The following CCNL1 variants were observed in gnomAD, a reference collection of about 807,000 sequenced individuals.
CCNL1 encodes cyclin-L1.
Under a neutral mutation model 60.6 loss-of-function variants are expected in CCNL1, and 13 were observed. That is an observed-to-expected ratio of 0.21 (90% CI 0.14 to 0.34). The LOEUF (loss-of-function observed/expected upper bound fraction) is 0.34, where lower values mean the gene tolerates loss of function less well. Ranked by LOEUF, CCNL1 falls within the 10% of genes least tolerant of loss-of-function variation. CCNL1 has a pLI of 1.00. For missense variants in CCNL1, 481 were observed against 664.3 expected (o/e 0.72, Z 3.03); for synonymous variants, 270 against 244.3 (o/e 1.10, Z -0.98).
chr3:157,150,790 G>A, intron 5 of CCNL1: 2 of 990,878 alleles, frequency 2.0e-6, no homozygotes, highest in East Asian at 2.2e-4. Flanking sequence ...TAAAAGCAGT[G>A]TCAACCAAGT....
intron 2 of CCNL1, 146 bp from the exon 3 acceptor site, chr3:157,159,121 C>T (rs899856216): frequency 1.6e-6 from 1 of 640,164 alleles, no homozygotes; most frequent in Non-Finnish European, 2.7e-6. Context: ...TAGTACTATA[C>T]TTTTTGTTGT....
intron 3 of CCNL1, among the ~76,000 whole-genome samples, chr3:157,156,617 G>C (rs192401109): frequency 1.3e-5 from 2 of 152,230 alleles, no homozygotes; most frequent in East Asian, 3.9e-4. Context: ...TTTTTAAAAA[G>C]CTCCTCTGCT....
intron 7 of CCNL1, 35 bp from the exon 8 acceptor site, chr3:157,150,012 T>C (rs1280323562): frequency 3.1e-6 from 5 of 1,611,198 alleles, no homozygotes; most frequent in Admixed American, 1.7e-5. Context: ...ATTTCTTCCT[T>C]AGAGTAGCTT....
intron 1 of CCNL1, 114 bp from the exon 2 acceptor site, chr3:157,159,593 T>C (rs537771906): frequency 1.0e-5 from 11 of 1,095,176 alleles, no homozygotes; most frequent in Non-Finnish European, 1.3e-5. Context: ...CCGCCGCCGC[T>C]GCGAACAGCC....
intron 5 of CCNL1, chr3:157,150,598 A>G (rs1432127980): frequency 2.4e-6 from 3 of 1,244,658 alleles, no homozygotes; most frequent in Non-Finnish European, 3.0e-6. Flanking sequence ...ATATGAGCGA[A>G]GCCCTTTTAA....
intron 3 of CCNL1, among the ~76,000 whole-genome samples, chr3:157,156,780 T>C (rs1180908328): frequency 6.6e-6 from 1 of 152,212 alleles, no homozygotes; most frequent in Non-Finnish European, 1.5e-5. Flanking sequence ...AGTGATATGC[T>C]TTACCTAACC....
intron 3 of CCNL1, 69 bp from the exon 4 acceptor site, chr3:157,153,225 AT>A: frequency 6.6e-7 from 1 of 1,524,118 alleles, no homozygotes; most frequent in South Asian, 1.2e-5. Context: ...TGGCATCTCC[AT>A]TTTCCCTTCC....
At chr3:157,149,797 C>CA (rs1297259764) in intron 8 of CCNL1, 39 bp downstream of exon 8, 1 of 1,592,126 alleles carries the variant, frequency 6.3e-7, no homozygotes, top group African/African-American at 1.4e-5. Flanking sequence ...GACACACTTT[C>CA]AGTGCCCCCA....
At chr3:157,159,591 G>A in intron 1 of CCNL1, 112 bp from the exon 2 acceptor site, 2 of 1,089,968 alleles carry the variant, frequency 1.8e-6, no homozygotes, top group Non-Finnish European at 2.7e-6. Flanking sequence ...CGCCGCCGCC[G>A]CTGCGAACAG....
intron 5 of CCNL1, chr3:157,150,965 C>G: frequency 6.1e-6 from 6 of 984,834 alleles, no homozygotes; most frequent in Non-Finnish European, 7.2e-6. Flanking sequence ...TTTTTTGTGA[C>G]TAGGTAAAAG....
At chr3:157,148,709 T>G (rs1737931490) in intron 10 of CCNL1, 120 bp from the exon 11 acceptor site, 3 of 812,806 alleles carry the variant, frequency 3.7e-6, no homozygotes, top group Middle Eastern at 3.1e-4. Flanking sequence ...AACCAGAACT[T>G]TTCAAAATCT....
intron 4 of CCNL1, chr3:157,152,590 G>T: frequency 9.3e-7 from 1 of 1,080,200 alleles, no homozygotes; most frequent in Non-Finnish European, 1.1e-6. Flanking sequence ...TCACTCTATG[G>T]CTTATATTGA....
intron 5 of CCNL1, 156 bp downstream of exon 5, chr3:157,152,021 A>T: frequency 6.9e-7 from 1 of 1,449,292 alleles, no homozygotes; most frequent in Non-Finnish European, 9.1e-7. Flanking sequence ...AAGCAGAAAT[A>T]AGCATTATTT....
Position 157,148,184 on chromosome 3 carries a change from C to T in CCNL1, c.*57G>A. 1 of 1,559,486 alleles carries T rather than the reference C, an allele frequency of 6.4e-7. No individual in the cohort carries two copies. The highest frequency in any genetic ancestry group is 1.2e-5 in the South Asian group (1 of 81,192). On this transcript the variant is annotated 3_prime_UTR_variant, in exon 11 of 11. Coordinates refer to ENST00000295926, the MANE Select transcript of CCNL1 (RefSeq NM_020307.4). ...TTTAATGTTTTTGATTGAGTCCATA[C>T]ATCACACTGTAGATAGGCAAAACCA...
At chr3:157,157,365 G>T (rs1300071039) in intron 3 of CCNL1, among the ~76,000 whole-genome samples, 1 of 145,354 alleles carries the variant, frequency 6.9e-6, no homozygotes, top group East Asian at 2.1e-4. Context: ...TTACAGTTAA[G>T]ACCTATTCTA....
intron 5 of CCNL1, chr3:157,151,404 G>A (rs1738182755): frequency 1.0e-6 from 1 of 985,740 alleles, no homozygotes; most frequent in Non-Finnish European, 1.2e-6. Context: ...ATCTCAAGAA[G>A]TCCAAGTGCT....
intron 5 of CCNL1, 72 bp downstream of exon 5, chr3:157,152,105 G>C: frequency 3.8e-6 from 6 of 1,574,584 alleles, no homozygotes; most frequent in Non-Finnish European, 5.1e-6. Flanking sequence ...ATTTTGGAAA[G>C]GGAAAACGAA....
Position 157,152,218 on chromosome 3 carries a change from G to C in CCNL1, c.633C>G (p.Val211=), listed in dbSNP as rs779441903. The change falls in exon 5 of 11, where the codon GTC becomes GTG. Residue 211 remains valine (V), a synonymous_variant. Transcript: ENST00000295926. The part of the protein sequence containing the change: ...PHKIIVMYLQ[V]LECERNQTLV... ...GGGTTTGATTACGTTCACATTCTAA[G>C]ACTTGTAAATACATAACAATGATCT... The C allele has an allele frequency of 8.1e-6, 13 of 1,612,090 alleles. No homozygotes were observed. Among genetic ancestry groups the C allele is most frequent in the Non-Finnish European group, 8.5e-7 (1 of 1,179,310 alleles).
intron 3 of CCNL1, chr3:157,157,197 A>C: frequency 1.0e-6 from 1 of 970,896 alleles, no homozygotes; most frequent in Non-Finnish European, 1.4e-6. Flanking sequence ...GCTTTAAAAA[A>C]AGGCTTCCAT....
Sources: gnomAD v4.1 joint callset for allele counts (sites outside exome capture counted in the v4.1 genomes callset) on GRCh38, gnomAD v4.1.1 for gene constraint, MANE v1.5 for transcripts, NCBI Gene and HGNC (gene_info 2026-07-23, HGNC 2026-07-21) for gene names.